Variants in TOM1 observed in about 807,000 individuals in gnomAD.
TOM1 encodes the protein target of Myb protein 1.
A neutral mutation model predicts 61.3 loss-of-function variants in TOM1; 38 were observed. The observed-to-expected ratio is 0.62, with a 90% CI of 0.48 to 0.81. The LOEUF is 0.81. Ranked by LOEUF, TOM1 falls within the 40% of genes least tolerant of loss-of-function variation. The pLI is 0.00. For missense variants in TOM1, 591 were observed against 659.6 expected (o/e 0.90, Z 1.14); for synonymous variants, 270 against 268.8 (o/e 1.00, Z -0.04).
chr22:35,343,862 A>G (rs1462173691), intron 12 of TOM1, among the ~76,000 whole-genome samples: 6 of 142,100 alleles, frequency 4.2e-5, no homozygotes, highest in Admixed American at 7.1e-5. Context: ...ACCCCTGCAT[A>G]TACCACCCCT....
At chr22:35,307,372 A>C (rs1353943319) in intron 1 of TOM1, among the ~76,000 whole-genome samples, 2 of 152,120 alleles carry the variant, frequency 1.3e-5, no homozygotes, top group Non-Finnish European at 2.9e-5. Context: ...GAGAGGAAAA[A>C]TTTAATGTCC....
chr22:35,332,469 G>A (rs957594651), intron 8 of TOM1, among the ~76,000 whole-genome samples: 1 of 152,086 alleles, frequency 6.6e-6, no homozygotes, highest in African/African-American at 2.4e-5. Context: ...ACAAGGCCAC[G>A]ACTTGAACAG....
intron 1 of TOM1, among the ~76,000 whole-genome samples, chr22:35,313,959 G>T (rs1239961391): frequency 6.6e-6 from 1 of 152,198 alleles, no homozygotes; most frequent in Non-Finnish European, 1.5e-5. Flanking sequence ...TCATTCTCTT[G>T]GTAACTGGCA....
intron 3 of TOM1, 168 bp from the exon 4 acceptor site, chr22:35,322,860 A>G (rs565033097): frequency 4.1e-5 from 33 of 809,124 alleles, no homozygotes; most frequent in African/African-American, 2.1e-4. Flanking sequence ...CAAGTCCCCC[A>G]GTCCTGGCAT....
At chr22:35,346,757 C>T (rs1896645879) in intron 13 of TOM1, among the ~76,000 whole-genome samples, 173 bp from the exon 14 acceptor site, 1 of 152,184 alleles carries the variant, frequency 6.6e-6, no homozygotes, top group South Asian at 2.1e-4. Context: ...GGTCCTACGG[C>T]TCAGGGAGGA....
At chr22:35,331,833 A>G (rs1928866012) in intron 8 of TOM1, among the ~76,000 whole-genome samples, 1 of 152,030 alleles carries the variant, frequency 6.6e-6, no homozygotes, top group Non-Finnish European at 1.5e-5. Context: ...GGTTGCAATG[A>G]GCCGAGATCG....
At chr22:35,342,309 C>T (rs1322629508) in intron 12 of TOM1, among the ~76,000 whole-genome samples, 1 of 152,110 alleles carries the variant, frequency 6.6e-6, no homozygotes, top group African/African-American at 2.4e-5. Context: ...TGCCATGTGC[C>T]AGGCCCCATG....
chr22:35,330,278 C>CA (rs879087966), intron 7 of TOM1, 69 bp from the exon 8 acceptor site: 82,047 of 1,005,044 alleles, frequency 0.082, 2 homozygotes, highest in East Asian at 0.088. Flanking sequence ...CTCCGTCTCA[C>CA]AAAAAAAAAA....
intron 1 of TOM1, among the ~76,000 whole-genome samples, chr22:35,309,659 AAG>A (rs1555892238): frequency 9.4e-4 from 142 of 151,390 alleles, no homozygotes; most frequent in Non-Finnish European, 1.8e-3. Flanking sequence ...AAAAAAAAAA[AAG>A]AGAGAGAACT....
At chr22:35,338,858 G>T (rs1427187093) in intron 12 of TOM1, 70 bp downstream of exon 12, 1 of 1,418,346 alleles carries the variant, frequency 7.1e-7, no homozygotes, top group East Asian at 2.6e-5. Flanking sequence ...CACCCACTGG[G>T]TGCCGTTGTG....
At chr22:35,327,480 CT>C in intron 7 of TOM1, 93 bp downstream of exon 7, 1 of 875,556 alleles carries the variant, frequency 1.1e-6, no homozygotes, top group Non-Finnish European at 1.8e-6. Flanking sequence ...GTCTTCATGG[CT>C]TACTCCATAC....
At chr22:35,328,539 G>A (rs79664333) in intron 7 of TOM1, among the ~76,000 whole-genome samples, 3,480 of 152,282 alleles carry the variant, frequency 0.023, 62 homozygotes, top group Non-Finnish European at 0.035. Context: ...ATTTGAACCC[G>A]GGGGCCTGGC....
chr22:35,307,160 G>C (rs1316867776), intron 1 of TOM1, among the ~76,000 whole-genome samples: 1 of 152,150 alleles, frequency 6.6e-6, no homozygotes, highest in African/African-American at 2.4e-5. Context: ...CTAGGCCAGT[G>C]CCCTCCAAAC....
At chr22:35,317,986 G>A in intron 2 of TOM1, 25 bp downstream of exon 2, 2 of 1,598,496 alleles carry the variant, frequency 1.3e-6, no homozygotes, top group Non-Finnish European at 1.7e-6. Context: ...AGGAGAGGTT[G>A]GGGGCAGAGA....
Position 35,322,992 on chromosome 22 carries a change from G to A in TOM1, c.217-36G>A, listed in dbSNP as rs766300009. ...GGGTTCTGAGCACCTCCTCTCCTCT[G>A]ACCAAGGTGCTCGACGGCACCTCTC... On this transcript the variant is annotated intron_variant, in intron 3 of 14. Coordinates refer to ENST00000449058, the MANE Select transcript of TOM1 (RefSeq NM_005488.3). 53 of 1,610,930 alleles carry A rather than the reference G, an allele frequency of 3.3e-5. 2 individuals are homozygous for A. The South Asian group carries it at 5.8e-4, about 18-fold the overall frequency.
rs1183666609 is a variant in TOM1, at chr22:35,345,891, G to T, written c.1284+107G>T. ...ACTTATATAGCATATAGCACCCTGA[G>T]AGCAGAGGGGCACACTTAAAGTCCC... On this transcript the variant is annotated intron_variant, in intron 13 of 14. Transcript: ENST00000449058. 3 of 1,169,534 alleles carry T rather than the reference G, an allele frequency of 2.6e-6. No homozygotes were observed. The African/African-American group carries it at 4.5e-5, about 18-fold the overall frequency. The allele number at this position is 1,169,534 out of a possible 1,614,324, so 72.4% of individuals were successfully genotyped here.
At chr22:35,328,424 C>A (rs986730557) in intron 7 of TOM1, among the ~76,000 whole-genome samples, 1 of 152,190 alleles carries the variant, frequency 6.6e-6, no homozygotes, top group East Asian at 1.9e-4. Context: ...TGGTTCACAT[C>A]GCTCACGTAA....
intron 10 of TOM1, 86 bp from the exon 11 acceptor site, chr22:35,334,242 C>G: frequency 6.5e-7 from 1 of 1,526,934 alleles, no homozygotes; most frequent in South Asian, 1.3e-5. Flanking sequence ...CAGCACCAAG[C>G]CCTGGGTCTG....
chr22:35,318,720 C>T (rs1161070061), intron 2 of TOM1, among the ~76,000 whole-genome samples: 2 of 152,244 alleles, frequency 1.3e-5, no homozygotes, highest in Non-Finnish European at 2.9e-5. Flanking sequence ...GCGAGGGTCC[C>T]TGTCCTCTCA....
Sources: allele counts gnomAD v4.1 joint callset (sites outside exome capture counted in the v4.1 genomes callset), GRCh38; gene constraint gnomAD v4.1.1; transcripts MANE v1.5; gene names NCBI Gene and HGNC (gene_info 2026-07-23, HGNC 2026-07-21).